The following NLRC5 variants were observed in gnomAD, a reference collection of about 807,000 sequenced individuals.
The protein encoded by NLRC5 is NLR family CARD domain containing 5.
Under a neutral mutation model 206.9 loss-of-function variants are expected in NLRC5, and 114 were observed. The observed-to-expected ratio is 0.55, with a 90% CI of 0.47 to 0.64. NLRC5 has a LOEUF of 0.64. NLRC5 is among the 30% of genes least tolerant of loss of function. The pLI is 0.00. For missense variants in NLRC5, 2,008 were observed against 2,305.5 expected (o/e 0.87, Z 2.64); for synonymous variants, 952 against 962.8 (o/e 0.99, Z 0.21).
Position 57,066,596 on chromosome 16 carries a change from C to T in NLRC5, c.4304C>T (p.Pro1435Leu). The T allele has an allele frequency of 6.2e-7, 1 of 1,613,986 alleles. No individual in the cohort carries two copies. Among genetic ancestry groups the T allele is most frequent in the Admixed American group, 1.7e-5 (1 of 60,024 alleles). Residue 1435 changes from proline (P) to leucine (L), a missense_variant, in exon 34 of 49, where the codon CCA becomes CTA. By Grantham distance (98) the Pro-to-Leu change is moderately conservative. Transcript: ENST00000688547. Reference sequence around the variant, plus strand: ...GAATTTCCTCGCCAGGAAGAGAATCCAGAAGCTGTGGCACTCAGGTGGGAC... The same window carrying T: ...GAATTTCCTCGCCAGGAAGAGAATCTAGAAGCTGTGGCACTCAGGTGGGAC... ...QLEFPRQEEN[P>L]EAVALRLAHC... is the part of the protein sequence containing the mutation.
rs145898984 is a variant in NLRC5 at position 57,000,068 on chromosome 16, A to G, written c.-128+10451A>G. 7.9e-3 allele frequency among the ~76,000 whole-genome samples: 1,203 copies of G among 152,242 alleles called. 19 individuals carry two copies. Among genetic ancestry groups the G allele is most frequent in the African/African-American group, 0.028 (1,158 of 41,528 alleles). ...CCCAGGTGATGCCGTCGTGCAGACA[A>G]GCATGGGAACCACTGGCCTGGAAGC... is the stretch of plus-strand genomic sequence containing the variant. On this transcript the variant is annotated intron_variant, in intron 1 of 48. Coordinates refer to ENST00000688547, the MANE Select transcript of NLRC5 (RefSeq NM_001384950.1).
intron 1 of NLRC5, among the ~76,000 whole-genome samples, chr16:57,014,639 C>T (rs1228637774): frequency 1.3e-5 from 2 of 152,156 alleles, no homozygotes; most frequent in African/African-American, 4.8e-5. Flanking sequence ...TTTTATCTGC[C>T]TGTTAACTTA....
Position 57,043,518 on chromosome 16 carries a change from C to T in NLRC5, c.3117C>T (p.Leu1039=). ...GTGCCACCCCTGTGATCTCCAGCCTCAGTGAGAACGGTTTGTCCCTGGATG... is the reference window on the plus strand; with the variant it reads ...GTGCCACCCCTGTGATCTCCAGCCTTAGTGAGAACGGTTTGTCCCTGGATG... ...PGLGALQSLN[L]SENGLSLDAV... is the part of the protein sequence containing the mutation. The change falls in exon 20 of 49, where the codon CTC becomes CTT. Residue 1039 remains leucine (L), a synonymous_variant. Transcript: ENST00000688547. The T allele has an allele frequency of 6.2e-7, 1 of 1,614,020 alleles. No individual in the cohort carries two copies. The highest frequency in any genetic ancestry group is 8.5e-7 in the Non-Finnish European group (1 of 1,179,892).
At chr16:57,071,601 G>A (rs1423684615) in intron 38 of NLRC5, among the ~76,000 whole-genome samples, 2 of 140,968 alleles carry the variant, frequency 1.4e-5, no homozygotes, top group Middle Eastern at 3.9e-3. Flanking sequence ...TGAGTGAGTG[G>A]TGTTGGTGGT....
At chr16:57,062,151 T>G in intron 32 of NLRC5, 1 of 828,516 alleles carries the variant, frequency 1.2e-6, no homozygotes. Context: ...TTTTTATTTT[T>G]ATTTCAGCTG....
chr16:57,028,247 G>A (rs939745691), intron 7 of NLRC5, 55 bp from the exon 8 acceptor site: 11 of 1,586,564 alleles, frequency 6.9e-6, no homozygotes, highest in African/African-American at 1.3e-5. Context: ...GCAGATTCCT[G>A]GCCCCGCCCT....
chr16:57,020,727 C>G lies in NLRC5; in HGVS notation c.15C>G (p.Gly5=). The change falls in exon 3 of 49, where the codon GGC becomes GGG. Residue 5 remains glycine, a synonymous_variant. Coordinates refer to ENST00000688547, the MANE Select transcript of NLRC5 (RefSeq NM_001384950.1). MDPV[G]LQLGNKNLWS... ...GCTGGCTCCTCATGGACCCCGTTGG[C>G]CTCCAGCTCGGCAACAAGAACCTGT... 1 of 1,610,870 alleles carries G rather than the reference C, an allele frequency of 6.2e-7. No individual in the cohort carries two copies. The highest frequency in any genetic ancestry group is 8.5e-7 in the Non-Finnish European group (1 of 1,179,344).
Position 57,026,408 on chromosome 16 carries a change from G to T in NLRC5, c.1465G>T (p.Ala489Ser). ...TGCTCCACCCTTGATAGCTTTTGGGGCCACTCACAGCCTGCTGACTTCCTT... is the reference window on the plus strand; with the variant it reads ...TGCTCCACCCTTGATAGCTTTTGGGTCCACTCACAGCCTGCTGACTTCCTT... The part of the protein sequence containing the change: ...DIAPPLIAFG[A>S]THSLLTSFCV... The change falls in exon 6 of 49, where the codon GCC (alanine) becomes TCC (serine). Residue 489 changes from alanine to serine, a missense_variant. Ala to Ser is a moderately conservative substitution (Grantham distance 99). Coordinates refer to ENST00000688547, the MANE Select transcript of NLRC5 (RefSeq NM_001384950.1). The T allele has an allele frequency of 6.2e-7, 1 of 1,614,116 alleles. No individual in the cohort carries two copies. Among genetic ancestry groups the T allele is most frequent in the South Asian group, 1.1e-5 (1 of 91,080 alleles).
Position 57,061,670 on chromosome 16 carries a change from G to A in NLRC5, c.4123G>A (p.Val1375Met). 2.5e-6 allele frequency: 4 copies of A among 1,609,500 alleles called. No homozygotes were observed. Among genetic ancestry groups the A allele is most frequent in the Non-Finnish European group, 3.4e-6 (4 of 1,179,170 alleles). The stretch of plus-strand genomic sequence containing the variant: ...GCAGCTGGCCATCCTCCTGAGCTTG[G>A]TGGGGCGACCCGCAGGGCTGTTCAG... ...QKQLAILLSL[V>M]GRPAGLFSLR... Residue 1375 changes from valine to methionine, a missense_variant, in exon 32 of 49, where the codon GTG (valine) becomes ATG (methionine). Val to Met is a conservative substitution (Grantham distance 21, BLOSUM62 1). Coordinates refer to ENST00000688547, the MANE Select transcript of NLRC5 (RefSeq NM_001384950.1).
At chr16:57,030,882 G>A (rs2061799422) in intron 10 of NLRC5, among the ~76,000 whole-genome samples, 1 of 152,222 alleles carries the variant, frequency 6.6e-6, no homozygotes, top group African/African-American at 2.4e-5. Context: ...GCCAAGGCAA[G>A]AGGATTACTT....
At chr16:57,014,288 G>T (rs1280985523) in intron 1 of NLRC5, among the ~76,000 whole-genome samples, 1 of 152,074 alleles carries the variant, frequency 6.6e-6, no homozygotes, top group African/African-American at 2.4e-5. Flanking sequence ...TGAGTGTGAG[G>T]CTCACTTGGA....
At chr16:57,021,057 A>C (rs868761728) in intron 3 of NLRC5, 50 bp downstream of exon 3, 1 of 1,574,942 alleles carries the variant, frequency 6.3e-7, no homozygotes, top group Non-Finnish European at 8.7e-7. Flanking sequence ...TACCTGCGTC[A>C]TGGGGAGCCG....
chr16:57,026,657 A>C lies in NLRC5; in HGVS notation c.1714A>C (p.Thr572Pro), dbSNP rs1597228713. ...PTFLAGLASCTCRPFLSHLAQ... is the reference protein window; with the variant it reads ...PTFLAGLASCPCRPFLSHLAQ... ...CTTCCTGGCGGGCCTGGCATCCTGC[A>C]CCTGCCGCCCCTTCCTTAGCCACCT... The change falls in exon 6 of 49, where the codon ACC (threonine) becomes CCC (proline). Residue 572 changes from threonine to proline, a missense_variant. Physicochemically the swap from Thr to Pro is conservative, Grantham distance 38. Transcript: ENST00000688547. 1 of 1,614,036 alleles carries C rather than the reference A, an allele frequency of 6.2e-7. No homozygotes were observed. Among genetic ancestry groups the C allele is most frequent in the Non-Finnish European group, 8.5e-7 (1 of 1,179,992 alleles).
chr16:57,074,797 C>A (rs2145013277), intron 39 of NLRC5, 114 bp downstream of exon 39: 2 of 973,910 alleles, frequency 2.1e-6, no homozygotes, highest in Non-Finnish European at 1.6e-6. Context: ...TTGCGGATCC[C>A]TCCCAGGCCC....
At chr16:57,019,077 G>C (rs146432492) in intron 2 of NLRC5, among the ~76,000 whole-genome samples, 2 of 152,260 alleles carry the variant, frequency 1.3e-5, no homozygotes, top group East Asian at 3.9e-4. Context: ...CCCTCTATTG[G>C]TACTTCTAGA....
At chr16:57,010,981 C>A (rs2059428403) in intron 1 of NLRC5, among the ~76,000 whole-genome samples, 1 of 152,144 alleles carries the variant, frequency 6.6e-6, no homozygotes, top group Non-Finnish European at 1.5e-5. Flanking sequence ...GTGGGAAAGG[C>A]TCTCCTGTCC....
chr16:56,993,344 C>T (rs555215703), intron 1 of NLRC5, among the ~76,000 whole-genome samples: 40 of 151,926 alleles, frequency 2.6e-4, no homozygotes, highest in Non-Finnish European at 4.7e-4. Flanking sequence ...AGTATTTCAC[C>T]GTATGACTGC....
intron 4 of NLRC5, among the ~76,000 whole-genome samples, chr16:57,023,296 T>C (rs1191139060): frequency 6.6e-6 from 1 of 152,144 alleles, no homozygotes; most frequent in Non-Finnish European, 1.5e-5. Flanking sequence ...ATCCATACAA[T>C]GAGACAAGAC....
chr16:57,030,690 G>A (rs1244826078), intron 10 of NLRC5, among the ~76,000 whole-genome samples: 8 of 152,306 alleles, frequency 5.3e-5, no homozygotes, highest in Non-Finnish European at 7.4e-5. Flanking sequence ...ACAAGTCTAC[G>A]AAGCACAGGC....
Sources: gnomAD v4.1 joint callset for allele counts (sites outside exome capture counted in the v4.1 genomes callset) on GRCh38, gnomAD v4.1.1 for gene constraint, MANE v1.5 for transcripts, NCBI Gene and HGNC (gene_info 2026-07-23, HGNC 2026-07-21) for gene names.